The following ENOX1 variants were observed in gnomAD, a reference collection of about 807,000 sequenced individuals.
ENOX1 encodes the protein ecto-NOX disulfide-thiol exchanger 1, also known as candidate growth-related and time keeping constitutive hydroquinone (NADH) oxidase.
A neutral mutation model predicts 82.5 loss-of-function variants in ENOX1; 42 were observed. That is an observed-to-expected ratio of 0.51 (90% CI 0.40 to 0.66). The LOEUF (loss-of-function observed/expected upper bound fraction) is 0.66. Among genes scored for constraint, ENOX1 ranks in the 30% least tolerant of loss-of-function variants. ENOX1 has a pLI of 0.00. For synonymous variants in ENOX1, 271 were observed against 282.2 expected, an observed-to-expected ratio of 0.96 and a Z score of 0.40; for missense variants, 608 against 811.6, an observed-to-expected ratio of 0.75 and a Z score of 3.05.
intron 2 of ENOX1, among the ~76,000 whole-genome samples, chr13:43,564,586 G>T (rs2079836438): frequency 6.6e-6 from 1 of 152,104 alleles, no homozygotes; most frequent in African/African-American, 2.4e-5. Context: ...ACTAGTGGGA[G>T]TGCAGTGAAA....
chr13:43,771,619 G>A (rs1409153971), intron 1 of ENOX1, among the ~76,000 whole-genome samples: 3 of 152,090 alleles, frequency 2.0e-5, no homozygotes, highest in Admixed American at 2.0e-4. Context: ...GGTAACAGTG[G>A]GTTTAGAAAT....
chr13:43,637,373 CTTG>C (rs1461014891), intron 2 of ENOX1, among the ~76,000 whole-genome samples: 1 of 152,128 alleles, frequency 6.6e-6, no homozygotes, highest in Non-Finnish European at 1.5e-5. Flanking sequence ...AATCTCATGT[CTTG>C]TTTCAACCGG....
chr13:43,732,252 C>T (rs571858527), intron 1 of ENOX1, among the ~76,000 whole-genome samples: 1 of 152,308 alleles, frequency 6.6e-6, no homozygotes, highest in East Asian at 1.9e-4. Flanking sequence ...CTCCAAGGAC[C>T]TGTTCCTGTT....
intron 14 of ENOX1, among the ~76,000 whole-genome samples, chr13:43,249,621 A>T (rs998712321): frequency 2.6e-5 from 4 of 152,168 alleles, no homozygotes; most frequent in Admixed American, 2.6e-4. Flanking sequence ...CAAAGCACCC[A>T]CTATCATAAT....
At chr13:43,715,927 T>C (rs912606230) in intron 1 of ENOX1, among the ~76,000 whole-genome samples, 4 of 152,238 alleles carry the variant, frequency 2.6e-5, no homozygotes, top group Admixed American at 2.6e-4. Context: ...TAAGGACTTC[T>C]CTGCATTGGT....
chr13:43,340,414 T>C (rs1374063509), intron 9 of ENOX1, among the ~76,000 whole-genome samples: 2 of 152,236 alleles, frequency 1.3e-5, no homozygotes, highest in Non-Finnish European at 2.9e-5. Flanking sequence ...GCCAGCACTG[T>C]AGGATTTTCA....
At chr13:43,241,520 T>C (rs577666066) in intron 14 of ENOX1, among the ~76,000 whole-genome samples, 6 of 152,250 alleles carry the variant, frequency 3.9e-5, no homozygotes, top group East Asian at 1.9e-4. Flanking sequence ...GTGAGATCTA[T>C]TGGATTATGA....
chr13:43,649,335 A>G (rs2084044322), intron 2 of ENOX1, among the ~76,000 whole-genome samples: 1 of 152,220 alleles, frequency 6.6e-6, no homozygotes, highest in Non-Finnish European at 1.5e-5. Context: ...AATGCAGGGC[A>G]ACGCAAATTA....
intron 12 of ENOX1, among the ~76,000 whole-genome samples, chr13:43,289,518 T>C (rs1408933171): frequency 1.3e-5 from 2 of 152,188 alleles, no homozygotes; most frequent in African/African-American, 2.4e-5. Flanking sequence ...TGACTAGCCT[T>C]AGACAGAAGA....
chr13:43,419,348 C>A (rs1566175370), intron 3 of ENOX1, among the ~76,000 whole-genome samples: 1 of 151,834 alleles, frequency 6.6e-6, no homozygotes, highest in South Asian at 2.1e-4. Context: ...AGTTTGAGAC[C>A]AGGCTGGGCA....
chr13:43,665,006 G>C (rs982050530), intron 2 of ENOX1, among the ~76,000 whole-genome samples: 4 of 152,216 alleles, frequency 2.6e-5, no homozygotes, highest in African/African-American at 9.6e-5. Flanking sequence ...CTGCGGGGCT[G>C]GAAAAGCTTG....
At chr13:43,398,934 T>C (rs1254310435) in intron 5 of ENOX1, among the ~76,000 whole-genome samples, 1 of 151,550 alleles carries the variant, frequency 6.6e-6, no homozygotes, top group Non-Finnish European at 1.5e-5. Flanking sequence ...TAGCTGGGAC[T>C]ACAGGTGCAT....
chr13:43,230,424 C>T (rs1030949592), intron 15 of ENOX1, among the ~76,000 whole-genome samples: 1 of 152,088 alleles, frequency 6.6e-6, no homozygotes, highest in Admixed American at 6.5e-5. Flanking sequence ...GGTGTCAAGA[C>T]AGATTTTCCT....
At chr13:43,533,652 G>A (rs2078327237) in intron 2 of ENOX1, among the ~76,000 whole-genome samples, 1 of 152,000 alleles carries the variant, frequency 6.6e-6, no homozygotes, top group Admixed American at 6.6e-5. Context: ...AATTAGTTTA[G>A]AAATTAAAAA....
At chr13:43,515,661 T>C (rs1322288735) in intron 2 of ENOX1, among the ~76,000 whole-genome samples, 1 of 152,180 alleles carries the variant, frequency 6.6e-6, no homozygotes, top group African/African-American at 2.4e-5. Context: ...TCCTGGGCCA[T>C]CTGGCTCCAG....
intron 2 of ENOX1, among the ~76,000 whole-genome samples, chr13:43,616,204 A>ATATATATTTTT (rs1457149422): frequency 6.5e-5 from 1 of 15,306 alleles, no homozygotes; most frequent in Non-Finnish European, 2.1e-4. Flanking sequence ...ATATATATAT[A>ATATATATTTTT]TTTTTTTTTT....
chr13:43,752,609 C>G (rs916003833), intron 1 of ENOX1, among the ~76,000 whole-genome samples: 1 of 151,978 alleles, frequency 6.6e-6, no homozygotes, highest in African/African-American at 2.4e-5. Flanking sequence ...TGTTTTGACA[C>G]TATTTGTTGA....
At chr13:43,227,614 C>T (rs550180257) in intron 15 of ENOX1, among the ~76,000 whole-genome samples, 35 of 152,204 alleles carry the variant, frequency 2.3e-4, no homozygotes, top group African/African-American at 7.7e-4. Context: ...ATGTTTTGAG[C>T]AAGGAAAATT....
chr13:43,237,905 C>T lies in ENOX1; in HGVS notation c.1612-1167G>A, dbSNP rs139994307. Among the ~76,000 whole-genome samples the T allele has an allele frequency of 2.2e-3, 340 of 152,234 alleles. 2 individuals carry two copies. The highest frequency in any genetic ancestry group is 8.0e-3 in the African/African-American group (331 of 41,534). ...GTAATCCAGGGGTAATTAGAAATTG[C>T]CATGAAAGAAGGCTCTACTGAGAAA... On this transcript the variant is annotated intron_variant, in intron 14 of 16. Transcript: ENST00000690772.
Sources: gnomAD v4.1 joint callset for allele counts (sites outside exome capture counted in the v4.1 genomes callset) on GRCh38, gnomAD v4.1.1 for gene constraint, MANE v1.5 for transcripts, NCBI Gene and HGNC (gene_info 2026-07-23, HGNC 2026-07-21) for gene names.